Variants in HOOK3 observed in about 807,000 individuals in gnomAD.
HOOK3 encodes the protein protein Hook homolog 3.
Under a neutral mutation model 116.3 loss-of-function variants are expected in HOOK3, and 24 were observed. The ratio of observed to expected loss-of-function variants is 0.21; its 90% CI spans 0.15 to 0.29. The LOEUF is 0.29. Ranked by LOEUF, HOOK3 falls within the 10% of genes least tolerant of loss-of-function variation. The probability of loss-of-function intolerance (pLI) is 1.00; values close to 1 mark genes in which losing one functional copy is unlikely to be tolerated. For synonymous variants in HOOK3, 275 were observed against 283.0 expected (o/e 0.97, Z 0.28); for missense variants, 632 against 830.2 (o/e 0.76, Z 2.93).
At chr8:42,983,142 A>G (rs879871170) in intron 14 of HOOK3, among the ~76,000 whole-genome samples, 4 of 151,888 alleles carry the variant, frequency 2.6e-5, no homozygotes, top group African/African-American at 4.8e-5. Context: ...AGACCATCCT[A>G]GCTAACACGG....
chr8:42,950,167 T>C (rs931352521), intron 5 of HOOK3, among the ~76,000 whole-genome samples: 1 of 152,172 alleles, frequency 6.6e-6, no homozygotes, highest in African/African-American at 2.4e-5. Flanking sequence ...AGCTGTAGCC[T>C]CAACTTTAGA....
intron 10 of HOOK3, 111 bp downstream of exon 10, chr8:42,966,724 G>A (rs1256349018): frequency 8.8e-6 from 10 of 1,135,820 alleles, no homozygotes; most frequent in Admixed American, 4.6e-5. Context: ...CTGGGATCCC[G>A]GGTCTACTGC....
intron 17 of HOOK3, among the ~76,000 whole-genome samples, chr8:43,003,389 C>T (rs1383246305): frequency 6.6e-6 from 1 of 152,068 alleles, no homozygotes; most frequent in Non-Finnish European, 1.5e-5. Context: ...ATTACTTTTG[C>T]CTTTTGTGAG....
At chr8:42,991,459 C>G (rs1434627474) in intron 15 of HOOK3, among the ~76,000 whole-genome samples, 2 of 147,466 alleles carry the variant, frequency 1.4e-5, no homozygotes, top group African/African-American at 2.5e-5. Flanking sequence ...CTGGAGTGCA[C>G]TGGCACTATC....
intron 2 of HOOK3, among the ~76,000 whole-genome samples, chr8:42,921,286 A>G (rs1294432189): frequency 6.6e-6 from 1 of 151,674 alleles, no homozygotes; most frequent in South Asian, 2.1e-4. Flanking sequence ...TTGGCTTTGG[A>G]TAGTCATCAG....
chr8:42,990,042 G>T (rs2130456666), intron 15 of HOOK3, among the ~76,000 whole-genome samples: 1 of 152,038 alleles, frequency 6.6e-6, no homozygotes, highest in Admixed American at 6.6e-5. Context: ...TGTCGCCCAG[G>T]CTGGACTGCA....
At chr8:42,967,490 G>T (rs1339706532) in intron 10 of HOOK3, among the ~76,000 whole-genome samples, 1 of 152,062 alleles carries the variant, frequency 6.6e-6, no homozygotes, top group African/African-American at 2.4e-5. Flanking sequence ...CTACCTTTCT[G>T]GCCTACGCGG....
intron 4 of HOOK3, among the ~76,000 whole-genome samples, chr8:42,941,147 A>C (rs946139706): frequency 1.3e-5 from 2 of 151,448 alleles, no homozygotes. Context: ...GGATTTTACT[A>C]TGTTGGCCAG....
intron 6 of HOOK3, among the ~76,000 whole-genome samples, chr8:42,956,262 GTGTT>G (rs1808434309): frequency 2.0e-5 from 3 of 148,528 alleles, no homozygotes; most frequent in South Asian, 2.2e-4. Context: ...GTGTGTGTGT[GTGTT>G]ATCATTAAAC....
chr8:42,961,192 C>T (rs1808527866), intron 8 of HOOK3, among the ~76,000 whole-genome samples: 1 of 152,224 alleles, frequency 6.6e-6, no homozygotes, highest in Admixed American at 6.5e-5. Context: ...CCACCTCCAA[C>T]ATTTGGGACT....
At chr8:43,004,887 C>T (rs1221592630) in intron 17 of HOOK3, among the ~76,000 whole-genome samples, 1 of 151,884 alleles carries the variant, frequency 6.6e-6, no homozygotes, top group Non-Finnish European at 1.5e-5. Flanking sequence ...TATATATATC[C>T]AAGATTCCTA....
At chr8:42,922,922 A>C (rs1157693331) in intron 2 of HOOK3, among the ~76,000 whole-genome samples, 1 of 152,136 alleles carries the variant, frequency 6.6e-6, no homozygotes, top group Non-Finnish European at 1.5e-5. Flanking sequence ...AAACCAGCCT[A>C]CAAAATGGGA....
rs1484509846 is a variant in HOOK3 at position 42,897,074 on chromosome 8, A to G, written c.-58A>G. 2.6e-5 allele frequency: 31 copies of G among 1,211,570 alleles called. No individual in the cohort carries two copies. Among genetic ancestry groups the G allele is most frequent in the African/African-American group, 4.8e-5 (3 of 62,834 alleles). 75.1% of individuals were successfully genotyped at this position (1,211,570 alleles called of 1,614,324 possible). ...GCTGCGCGGGCCCCCGGATCCCCCG[A>G]CAGAGCGGCGGCGGTGTCTGGCCAG... On this transcript the variant is annotated 5_prime_UTR_variant, in exon 1 of 22. Coordinates refer to ENST00000307602, the MANE Select transcript of HOOK3 (RefSeq NM_032410.4).
intron 6 of HOOK3, 31 bp downstream of exon 6, chr8:42,950,486 G>T: frequency 6.7e-7 from 1 of 1,492,116 alleles, no homozygotes; most frequent in South Asian, 1.2e-5. Flanking sequence ...TATAGTTTAT[G>T]AAAAATTAAA....
At chr8:42,980,206 G>A (rs569863152) in intron 13 of HOOK3, among the ~76,000 whole-genome samples, 1 of 152,064 alleles carries the variant, frequency 6.6e-6, no homozygotes, top group African/African-American at 2.4e-5. Context: ...ACCTGGCTCG[G>A]CCTCCCAAAG....
chr8:42,917,978 G>C (rs542078166), intron 2 of HOOK3, among the ~76,000 whole-genome samples: 1 of 152,188 alleles, frequency 6.6e-6, no homozygotes, highest in Non-Finnish European at 1.5e-5. Flanking sequence ...TCATGCCTAA[G>C]AATCAATGTA....
chr8:43,025,983 C>T lies in HOOK3; in HGVS notation c.*7485C>T, dbSNP rs1809927091. 4.8e-6 allele frequency: 1 copy of T among 209,338 alleles called. No individual in the cohort carries two copies. Among genetic ancestry groups the T allele is most frequent in the Non-Finnish European group, 9.7e-6 (1 of 103,132 alleles). 13.0% of individuals were successfully genotyped at this position (209,338 alleles called of 1,614,324 possible). On this transcript the variant is annotated 3_prime_UTR_variant, in exon 22 of 22. Transcript: ENST00000307602. ...GACTATCAAATCCGAATTATATCTACTTAGAGCTTAGAGGAAGAATTAGGT... is the reference window on the plus strand; with the variant it reads ...GACTATCAAATCCGAATTATATCTATTTAGAGCTTAGAGGAAGAATTAGGT...
At chr8:42,979,629 C>A (rs188904559) in intron 13 of HOOK3, among the ~76,000 whole-genome samples, 11 of 152,152 alleles carry the variant, frequency 7.2e-5, no homozygotes, top group African/African-American at 2.7e-4. Flanking sequence ...TCCTAGCCCT[C>A]TCTCTGTTTT....
intron 11 of HOOK3, among the ~76,000 whole-genome samples, chr8:42,970,014 G>A (rs1049112156): frequency 6.6e-6 from 1 of 152,016 alleles, no homozygotes; most frequent in East Asian, 1.9e-4. Context: ...CCTATATAAG[G>A]TTATAGTCTA....
Sources: gnomAD v4.1 joint callset for allele counts (sites outside exome capture counted in the v4.1 genomes callset) on GRCh38, gnomAD v4.1.1 for gene constraint, MANE v1.5 for transcripts, NCBI Gene and HGNC (gene_info 2026-07-23, HGNC 2026-07-21) for gene names.